UNKL: variants seen among roughly 807,000 people sequenced by gnomAD.
The protein encoded by UNKL is putative E3 ubiquitin-protein ligase UNKL.
A neutral mutation model predicts 78.0 loss-of-function variants in UNKL; 60 were observed. The observed-to-expected ratio is 0.77, with a 90% CI of 0.63 to 0.95. UNKL has a LOEUF of 0.95. Among genes scored for constraint, UNKL ranks in the 40% least tolerant of loss-of-function variants. The pLI, the probability that UNKL is intolerant of heterozygous loss-of-function variation, is 0.00. For missense variants in UNKL, 1,159 were observed against 1,045.7 expected, an observed-to-expected ratio of 1.11 and a Z score of -1.49; for synonymous variants, 608 against 474.8, an observed-to-expected ratio of 1.28 and a Z score of -3.65.
At chr16:1,407,893 A>AT (rs920318645) in intron 2 of UNKL, among the ~76,000 whole-genome samples, 7 of 150,900 alleles carry the variant, frequency 4.6e-5, no homozygotes, top group East Asian at 2.0e-4. Context: ...GGCCACGTGT[A>AT]TTTTTTTTTC....
At chr16:1,402,433 C>T (rs555507850) in intron 3 of UNKL, among the ~76,000 whole-genome samples, 11 of 151,970 alleles carry the variant, frequency 7.2e-5, no homozygotes, top group African/African-American at 9.7e-5. Flanking sequence ...GAGGCCGAGG[C>T]GGGCAGATCA....
At chr16:1,409,476 G>A (rs374680048) in intron 2 of UNKL, among the ~76,000 whole-genome samples, 14 of 152,088 alleles carry the variant, frequency 9.2e-5, no homozygotes, top group African/African-American at 2.2e-4. Flanking sequence ...TCATTCACAC[G>A]CTACAAACAA....
At chr16:1,374,562 G>T (rs946555271) in intron 10 of UNKL, among the ~76,000 whole-genome samples, 4 of 152,310 alleles carry the variant, frequency 2.6e-5, no homozygotes, top group African/African-American at 7.2e-5. Flanking sequence ...GCCCCTGCCT[G>T]GTGCTCGGTT....
At chr16:1,393,115 C>G in intron 7 of UNKL, 139 bp from the exon 8 acceptor site, 4 of 886,976 alleles carry the variant, frequency 4.5e-6, no homozygotes, top group Non-Finnish European at 5.4e-6. Flanking sequence ...CAGAGGACGG[C>G]TGGGCAGTGG....
In UNKL at chr16:1,414,020, A is replaced by AG; in HGVS notation, c.112dup (p.Leu38ProfsTer116). 6.4e-7 allele frequency: 1 copy of AG among 1,551,090 alleles called. No homozygotes were observed. On this transcript the variant is annotated frameshift_variant, in exon 2 of 15. Coordinates refer to ENST00000389221, the MANE Select transcript of UNKL (RefSeq NM_001372107.1). LOFTEE classifies it high-confidence loss of function. The stretch of plus-strand genomic sequence containing the variant: ...CTGCGCGCACTTGTGCTGTGAAAAC[A>AG]GGGGGCACTGCTCCGTCCTGAACTC...
At chr16:1,400,935 C>T (rs1182947007) in intron 4 of UNKL, among the ~76,000 whole-genome samples, 3 of 152,148 alleles carry the variant, frequency 2.0e-5, no homozygotes, top group East Asian at 1.9e-4. Context: ...GTGATCTGCC[C>T]GCCTCGGCCT....
At chr16:1,413,707 A>T in intron 2 of UNKL, 139 bp downstream of exon 2, 3 of 982,402 alleles carry the variant, frequency 3.1e-6, no homozygotes, top group Non-Finnish European at 4.3e-6. Context: ...GTCACTAGAA[A>T]ATTTCAGCGT....
chr16:1,383,286 A>AC (rs1207610036), intron 10 of UNKL, among the ~76,000 whole-genome samples: 1 of 151,518 alleles, frequency 6.6e-6, no homozygotes, highest in East Asian at 1.9e-4. Flanking sequence ...AAAAAAAAAA[A>AC]AACAAAATCA....
intron 10 of UNKL, chr16:1,384,013 C>G: frequency 5.1e-6 from 1 of 196,190 alleles, no homozygotes; most frequent in East Asian, 1.2e-4. Context: ...CCATTCCACC[C>G]CAGCCCAGGG....
chr16:1,400,632 G>A (rs1046247560), intron 4 of UNKL, among the ~76,000 whole-genome samples: 2 of 151,884 alleles, frequency 1.3e-5, no homozygotes, highest in Admixed American at 6.6e-5. Context: ...CACTGCAGAC[G>A]TGCTAAATGC....
chr16:1,399,655 C>A lies in UNKL; in HGVS notation c.599-146G>T, dbSNP rs1050942793. 1 of 1,224,736 alleles carries A rather than the reference C, an allele frequency of 8.2e-7. No homozygotes were observed. Among genetic ancestry groups the A allele is most frequent in the Non-Finnish European group, 1.1e-6 (1 of 883,562 alleles). The allele number at this position is 1,224,736 out of a possible 1,614,324, so 75.9% of individuals were successfully genotyped here. Reference sequence around the variant, plus strand: ...GAGCGCAGACACACGCCACGGCACACGCTGATGTCAAAGGACTCGCGCTCC... The same window carrying A: ...GAGCGCAGACACACGCCACGGCACAAGCTGATGTCAAAGGACTCGCGCTCC... On this transcript the variant is annotated intron_variant, in intron 4 of 14. Coordinates refer to ENST00000389221, the MANE Select transcript of UNKL (RefSeq NM_001372107.1). This position sits in a 1 kb window ranked among gnomAD's most constrained non-coding sequence, Gnocchi z 5.8.
chr16:1,401,448 T>A, intron 4 of UNKL, 120 bp downstream of exon 4: 1 of 1,266,688 alleles, frequency 7.9e-7, no homozygotes, highest in Non-Finnish European at 1.0e-6. Flanking sequence ...CGAGCCTCGG[T>A]TTCCCCATCT....
At chr16:1,398,896 G>T (rs916382563) in intron 5 of UNKL, 7 of 1,572,250 alleles carry the variant, frequency 4.5e-6, no homozygotes, top group South Asian at 1.2e-5. Context: ...CCCTTGGGTT[G>T]TTGGCCCTGG....
chr16:1,390,110 C>T (rs1438436300), intron 9 of UNKL, among the ~76,000 whole-genome samples: 1 of 152,184 alleles, frequency 6.6e-6, no homozygotes, highest in African/African-American at 2.4e-5. Flanking sequence ...CCTCAGCTTC[C>T]CGAGTAGCTG....
In UNKL at chr16:1,366,081, C is replaced by G; in HGVS notation, c.*159G>C. 6.0e-6 allele frequency: 5 copies of G among 829,910 alleles called. No individual in the cohort carries two copies. The highest frequency in any genetic ancestry group is 5.2e-6 in the Non-Finnish European group (3 of 582,390). 51.4% of individuals were successfully genotyped at this position (829,910 alleles called of 1,614,324 possible). A position where few individuals can be genotyped will look rare whatever the true frequency, so the allele number is the denominator to read the frequency against. ...TGACAGGAAAGGCTGTCAGGCCAAG[C>G]GCAGGCGGGGCTCCCAGCCTCATGA... is the stretch of plus-strand genomic sequence containing the variant. On this transcript the variant is annotated 3_prime_UTR_variant, in exon 15 of 15. Coordinates refer to ENST00000389221, the MANE Select transcript of UNKL (RefSeq NM_001372107.1).
At chr16:1,413,681 C>T (rs924983389) in intron 2 of UNKL, among the ~76,000 whole-genome samples, 165 bp downstream of exon 2, 2 of 152,240 alleles carry the variant, frequency 1.3e-5, no homozygotes, top group African/African-American at 2.4e-5. Flanking sequence ...TAGGAAATGC[C>T]GCCCCAGCAT....
chr16:1,367,587 C>G, intron 13 of UNKL, 69 bp downstream of exon 13: 1 of 1,043,572 alleles, frequency 9.6e-7, no homozygotes. Flanking sequence ...CATCTCACCC[C>G]CACACGCTCA....
At chr16:1,412,683 G>A (rs1481165832) in intron 2 of UNKL, among the ~76,000 whole-genome samples, 4 of 152,220 alleles carry the variant, frequency 2.6e-5, no homozygotes, top group Admixed American at 1.3e-4. Flanking sequence ...AACATCAAGA[G>A]ACGAAACATC....
Position 1,397,608 on chromosome 16 carries a change from CG to C in UNKL, c.735-314del, listed in dbSNP as rs1567229235. Among the ~76,000 whole-genome samples, 6 of 1,512 alleles carry C rather than the reference CG, an allele frequency of 4.0e-3. 3 individuals are homozygous for C. Among genetic ancestry groups the C allele is most frequent in the Non-Finnish European group, 9.6e-3 (6 of 628 alleles). The allele number at this position is 1,512 out of a possible 152,430, so 1.0% of individuals were successfully genotyped here. A position where few individuals can be genotyped will look rare whatever the true frequency, so the allele number is the denominator to read the frequency against. On this transcript the variant is annotated intron_variant, in intron 5 of 14. Coordinates refer to ENST00000389221, the MANE Select transcript of UNKL (RefSeq NM_001372107.1). ...CACAGAGGACTTGGCTCCCCCACCC[CG>C]ACCCCCGTGCTTCACGCTGGGGCAG... is the stretch of plus-strand genomic sequence containing the variant.
Sources: allele counts gnomAD v4.1 joint callset (sites outside exome capture counted in the v4.1 genomes callset), GRCh38; gene constraint gnomAD v4.1.1; non-coding constraint Gnocchi (gnomAD v3.1); transcripts MANE v1.5; gene names NCBI Gene and HGNC (gene_info 2026-07-23, HGNC 2026-07-21).